Variants in RTL4 observed in about 807,000 individuals in gnomAD.
RTL4 encodes retrotransposon Gag-like protein 4.
Under a neutral mutation model 5.3 loss-of-function variants are expected in RTL4, and 4 were observed. The observed-to-expected ratio is 0.75, with a 90% confidence interval of 0.37 to 1.72. The LOEUF (loss-of-function observed/expected upper bound fraction) is 1.72. Among genes scored for constraint, RTL4 ranks in the 40% most tolerant of loss-of-function variants. RTL4 has a pLI of 0.04. For synonymous variants in RTL4, 98 were observed against 87.3 expected (o/e 1.12, Z -0.68); for missense variants, 260 against 227.1 (o/e 1.14, Z -0.93).
At chrX:112,197,484 A>G in the RTL4 span, among the ~76,000 whole-genome samples, 1 of 109,797 alleles carries the variant, frequency 9.1e-6, no homozygotes, top group African/African-American at 3.3e-5. Flanking sequence ...TGTAGCCTTT[A>G]CTGGTGTGGG....
the RTL4 span, among the ~76,000 whole-genome samples, chrX:112,175,887 G>A: frequency 1.8e-5 from 2 of 111,035 alleles, no homozygotes; most frequent in African/African-American, 6.6e-5. Context: ...AGAGCAGTTA[G>A]GCAGGAGAAG....
the RTL4 span, among the ~76,000 whole-genome samples, chrX:112,328,272 C>A: frequency 2.7e-5 from 3 of 110,645 alleles, no homozygotes; most frequent in African/African-American, 9.9e-5. Context: ...ATCTCATGTG[C>A]AGAGACACAC....
the RTL4 span, among the ~76,000 whole-genome samples, chrX:112,402,718 C>G: frequency 9.0e-6 from 1 of 110,707 alleles, no homozygotes; most frequent in Non-Finnish European, 1.9e-5. Context: ...GCTCAGAGCT[C>G]TAGACCTTGA....
the RTL4 span, among the ~76,000 whole-genome samples, chrX:112,283,416 G>A: frequency 9.0e-6 from 1 of 111,601 alleles, no homozygotes; most frequent in African/African-American, 3.3e-5. Context: ...AGAAATCTCA[G>A]AGAGAAAGAC....
At chrX:112,371,384 G>C in the RTL4 span, among the ~76,000 whole-genome samples, 1 of 111,100 alleles carries the variant, frequency 9.0e-6, no homozygotes, top group Non-Finnish European at 1.9e-5. Flanking sequence ...TACTGTTACA[G>C]AATGCAGTAT....
chrX:112,339,480 C>T, the RTL4 span, among the ~76,000 whole-genome samples: 1 of 111,637 alleles, frequency 9.0e-6, no homozygotes, highest in Non-Finnish European at 1.9e-5. Flanking sequence ...TGAGTGTGTT[C>T]TGGATACAGA....
the RTL4 span, among the ~76,000 whole-genome samples, chrX:112,289,209 C>T: frequency 9.0e-6 from 1 of 111,624 alleles, no homozygotes; most frequent in African/African-American, 3.3e-5. Flanking sequence ...GGGCAGGAAA[C>T]CCTTTTCATG....
chrX:112,361,260 C>T, the RTL4 span, among the ~76,000 whole-genome samples: 2 of 111,009 alleles, frequency 1.8e-5, no homozygotes, highest in African/African-American at 6.5e-5. Context: ...CAAACATACA[C>T]ATATATATAT....
chrX:112,442,863 A>G, the RTL4 span, among the ~76,000 whole-genome samples: 1 of 111,883 alleles, frequency 8.9e-6, no homozygotes, highest in South Asian at 3.8e-4. Context: ...CACATCATGG[A>G]ACATGGGGTA....
the RTL4 span, among the ~76,000 whole-genome samples, chrX:112,132,619 A>G: frequency 8.9e-6 from 1 of 112,336 alleles, no homozygotes. Context: ...GTCTGGAACT[A>G]GAAAGAGAAT....
At chrX:112,290,525 A>G in the RTL4 span, among the ~76,000 whole-genome samples, 1 of 111,986 alleles carries the variant, frequency 8.9e-6, no homozygotes, top group African/African-American at 3.2e-5. Flanking sequence ...TAGTAATGCT[A>G]ATGCTTTTCA....
chrX:112,344,867 C>T, the RTL4 span, among the ~76,000 whole-genome samples: 1 of 111,475 alleles, frequency 9.0e-6, no homozygotes, highest in East Asian at 2.8e-4. Flanking sequence ...GGAGGCCTCA[C>T]GATCATAGTG....
the RTL4 span, among the ~76,000 whole-genome samples, chrX:112,199,141 T>C: frequency 9.1e-6 from 1 of 109,682 alleles, no homozygotes; most frequent in Non-Finnish European, 1.9e-5. Flanking sequence ...TAGAAAAAAT[T>C]AGCCAGACGT....
chrX:112,083,453 C>T, the RTL4 span, among the ~76,000 whole-genome samples: 1 of 112,181 alleles, frequency 8.9e-6, no homozygotes, highest in Non-Finnish European at 1.9e-5. Flanking sequence ...CAGCGGAGCG[C>T]TGAGTCGCCA....
At chrX:112,373,912 T>C in the RTL4 span, among the ~76,000 whole-genome samples, 6 of 111,030 alleles carry the variant, frequency 5.4e-5, no homozygotes, top group East Asian at 1.7e-3. Flanking sequence ...TTCTTTGTTC[T>C]TTGCTCAACA....
At chrX:112,445,822 G>T in the RTL4 span, among the ~76,000 whole-genome samples, 29 of 111,843 alleles carry the variant, frequency 2.6e-4, 1 homozygote, top group Admixed American at 8.6e-4. Flanking sequence ...ATAAATAAAT[G>T]AACAACCTTC....
the RTL4 span, among the ~76,000 whole-genome samples, chrX:112,330,288 G>A: frequency 2.5e-4 from 27 of 106,446 alleles, no homozygotes; most frequent in African/African-American, 3.2e-4. Flanking sequence ...AATCTCCTTA[G>A]GCTGATAAGC....
upstream of RTL4, among the ~76,000 whole-genome samples, chrX:112,454,041 A>G (rs781684740): frequency 9.8e-5 from 11 of 111,844 alleles, no homozygotes; most frequent in South Asian, 4.1e-3. Context: ...TTGCAAAATT[A>G]TGAATTTGGC....
chrX:112,236,428 GATATAGATCTA>G, the RTL4 span, among the ~76,000 whole-genome samples: 1 of 75,529 alleles, frequency 1.3e-5, no homozygotes, highest in Non-Finnish European at 2.4e-5. Context: ...TCTATATATA[GATATAGATCTA>G]TATCTATATA....
Sources: gnomAD v4.1 joint callset for allele counts (sites outside exome capture counted in the v4.1 genomes callset) on GRCh38, gnomAD v4.1.1 for gene constraint, MANE v1.5 for transcripts, NCBI Gene and HGNC (gene_info 2026-07-23, HGNC 2026-07-21) for gene names.